LDB2: variants seen among roughly 807,000 people sequenced by gnomAD.
LDB2 encodes the protein LIM domain binding 2, also known as LIM domain-binding protein 2.
Under a neutral mutation model 44.3 loss-of-function variants are expected in LDB2, and 12 were observed. That is an observed-to-expected ratio of 0.27 (90% confidence interval 0.17 to 0.44). The LOEUF (loss-of-function observed/expected upper bound fraction) is 0.44. LDB2 is among the 20% of genes least tolerant of loss of function. LDB2 has a pLI of 1.00. For missense variants in LDB2, 344 were observed against 473.5 expected (o/e 0.73, Z 2.54); for synonymous variants, 164 against 174.8 (o/e 0.94, Z 0.49).
At chr4:16,674,219 C>A in intron 2 of LDB2, 2 of 1,287,218 alleles carry the variant, frequency 1.6e-6, no homozygotes, top group Non-Finnish European at 2.0e-6. Flanking sequence ...AACAGAAAAG[C>A]AATTACATGA....
intron 1 of LDB2, among the ~76,000 whole-genome samples, chr4:16,779,618 G>A (rs1249109872): frequency 6.6e-6 from 1 of 152,200 alleles, no homozygotes; most frequent in Non-Finnish European, 1.5e-5. Flanking sequence ...TCATATATTT[G>A]AAGGACATTT....
intron 5 of LDB2, among the ~76,000 whole-genome samples, chr4:16,524,867 C>G (rs1340618279): frequency 6.6e-6 from 1 of 152,154 alleles, no homozygotes; most frequent in Non-Finnish European, 1.5e-5. Context: ...TTGCAATTAT[C>G]CATCCTTGCC....
chr4:16,657,527 T>C (rs1740244338), intron 2 of LDB2, among the ~76,000 whole-genome samples: 2 of 152,222 alleles, frequency 1.3e-5, no homozygotes, highest in Non-Finnish European at 2.9e-5. Flanking sequence ...AATCAGATCT[T>C]AGTTTCATCA....
At chr4:16,610,212 G>T (rs1431968451) in intron 2 of LDB2, among the ~76,000 whole-genome samples, 3 of 152,036 alleles carry the variant, frequency 2.0e-5, no homozygotes, top group Non-Finnish European at 4.4e-5. Flanking sequence ...CCAAGGGTCA[G>T]CAGCCTCAAA....
intron 1 of LDB2, among the ~76,000 whole-genome samples, chr4:16,838,145 G>C (rs1043755198): frequency 3.3e-5 from 5 of 152,142 alleles, no homozygotes; most frequent in African/African-American, 1.2e-4. Context: ...GCATCTTCTT[G>C]AGCCATGAGT....
chr4:16,791,640 T>G (rs558203912), intron 1 of LDB2, among the ~76,000 whole-genome samples: 9 of 151,546 alleles, frequency 5.9e-5, no homozygotes, highest in African/African-American at 1.7e-4. Flanking sequence ...TCCCCAGGCT[T>G]TAGATATTTT....
At chr4:16,875,698 C>G (rs1233720365) in intron 1 of LDB2, among the ~76,000 whole-genome samples, 1 of 152,194 alleles carries the variant, frequency 6.6e-6, no homozygotes, top group South Asian at 2.1e-4. Context: ...ACCAGAAGAG[C>G]TGCTGCAGAG....
At chr4:16,571,027 C>G (rs1746342497) in intron 5 of LDB2, among the ~76,000 whole-genome samples, 1 of 152,054 alleles carries the variant, frequency 6.6e-6, no homozygotes, top group African/African-American at 2.4e-5. Context: ...TGATAAGAAA[C>G]TTGGTATGTT....
chr4:16,783,937 A>T (rs1773853502), intron 1 of LDB2, among the ~76,000 whole-genome samples: 1 of 152,140 alleles, frequency 6.6e-6, no homozygotes, highest in Non-Finnish European at 1.5e-5. Context: ...ATCATGTAGG[A>T]ATTGTAATTC....
intron 1 of LDB2, among the ~76,000 whole-genome samples, chr4:16,769,520 T>A (rs1358204173): frequency 6.6e-6 from 1 of 151,982 alleles, no homozygotes; most frequent in Non-Finnish European, 1.5e-5. Context: ...TCTCTCGAAC[T>A]CCTGACCTCA....
chr4:16,813,936 A>G (rs1319978023), intron 1 of LDB2, among the ~76,000 whole-genome samples: 1 of 149,614 alleles, frequency 6.7e-6, no homozygotes, highest in African/African-American at 2.5e-5. Context: ...CAGTGGCGCG[A>G]TCTCGGCTCA....
chr4:16,586,511 C>CAAA (rs1485289358), intron 4 of LDB2, among the ~76,000 whole-genome samples: 42 of 87,302 alleles, frequency 4.8e-4, no homozygotes, highest in Admixed American at 2.0e-3. Context: ...CACACACACA[C>CAAA]ACACACACAC....
chr4:16,740,845 G>A lies in LDB2; in HGVS notation c.235+18313C>T, dbSNP rs574237954. On this transcript the variant is annotated intron_variant, in intron 2 of 7. Coordinates refer to ENST00000304523, the MANE Select transcript of LDB2 (RefSeq NM_001290.5). ...TTGGAATATCTCTTTAATGCAATGC[G>A]TGTATTTTACTTATAATAGAAAAAA... Among the ~76,000 whole-genome samples the A allele has an allele frequency of 5.9e-5, 9 of 152,244 alleles. No individual in the cohort carries two copies. In the East Asian group the frequency reaches 7.7e-4, roughly 13 times the overall value.
At chr4:16,831,520 G>A (rs145074104) in intron 1 of LDB2, among the ~76,000 whole-genome samples, 3 of 152,246 alleles carry the variant, frequency 2.0e-5, no homozygotes, top group African/African-American at 4.8e-5. Context: ...AGAACGTGGT[G>A]GCTTTGAAGA....
At chr4:16,715,322 A>G (rs1489016783) in intron 2 of LDB2, among the ~76,000 whole-genome samples, 1 of 152,206 alleles carries the variant, frequency 6.6e-6, no homozygotes, top group African/African-American at 2.4e-5. Context: ...TCATATTTCA[A>G]TCATTAATTC....
At chr4:16,627,474 A>T (rs945899387) in intron 2 of LDB2, among the ~76,000 whole-genome samples, 14 of 152,150 alleles carry the variant, frequency 9.2e-5, no homozygotes, top group Admixed American at 7.9e-4. Flanking sequence ...GAAAACTAAC[A>T]TTTATCATTA....
At chr4:16,693,347 CTTTTTTTTTTTTTT>C (rs71181181) in intron 2 of LDB2, among the ~76,000 whole-genome samples, 4 of 112,122 alleles carry the variant, frequency 3.6e-5, no homozygotes, top group East Asian at 3.0e-4. Flanking sequence ...AGCAATAGTT[CTTTTTTTTTTTTTT>C]TTTTTTTTGA....
At chr4:16,760,147 C>T (rs958256147) in intron 1 of LDB2, among the ~76,000 whole-genome samples, 1 of 152,098 alleles carries the variant, frequency 6.6e-6, no homozygotes, top group Non-Finnish European at 1.5e-5. Context: ...TTCTTAAGCA[C>T]CATGTTTTTC....
intron 5 of LDB2, among the ~76,000 whole-genome samples, chr4:16,525,083 C>G (rs1727720337): frequency 6.6e-6 from 1 of 152,180 alleles, no homozygotes; most frequent in African/African-American, 2.4e-5. Context: ...CTTGTTCATG[C>G]AGTTATAATC....
Sources: gnomAD v4.1 joint callset for allele counts (sites outside exome capture counted in the v4.1 genomes callset) on GRCh38, gnomAD v4.1.1 for gene constraint, MANE v1.5 for transcripts, NCBI Gene and HGNC (gene_info 2026-07-23, HGNC 2026-07-21) for gene names.